The following ERC2 variants were observed in gnomAD, a reference collection of about 807,000 sequenced individuals.
ERC2 encodes ELKS/RAB6-interacting/CAST family member 2.
A neutral mutation model predicts 114.8 loss-of-function variants in ERC2; 42 were observed. The observed-to-expected ratio is 0.37, with a 90% confidence interval of 0.29 to 0.47. The LOEUF (loss-of-function observed/expected upper bound fraction) is 0.47, where lower values mean the gene tolerates loss of function less well. ERC2 is among the 20% of genes least tolerant of loss of function. ERC2 has a pLI of 0.99. For synonymous variants in ERC2, 454 were observed against 425.5 expected, an observed-to-expected ratio of 1.07 and a Z score of -0.82; for missense variants, 939 against 1,150.7, an observed-to-expected ratio of 0.82 and a Z score of 2.66.
chr3:56,176,849 C>G (rs2083006748), intron 3 of ERC2, among the ~76,000 whole-genome samples: 1 of 152,206 alleles, frequency 6.6e-6, no homozygotes, highest in Admixed American at 6.5e-5. Flanking sequence ...GCCCCACAAC[C>G]ACTACCTAGG....
intron 17 of ERC2, among the ~76,000 whole-genome samples, chr3:55,641,977 G>A (rs1470125002): frequency 6.6e-6 from 1 of 152,118 alleles, no homozygotes; most frequent in Non-Finnish European, 1.5e-5. Context: ...AATTCTATTG[G>A]CCAGAAATCA....
At chr3:55,622,377 A>G (rs1336326179) in intron 17 of ERC2, among the ~76,000 whole-genome samples, 1 of 152,198 alleles carries the variant, frequency 6.6e-6, no homozygotes, top group Non-Finnish European at 1.5e-5. Flanking sequence ...TTAAAATGTA[A>G]TGGTCTTTTA....
intron 14 of ERC2, among the ~76,000 whole-genome samples, chr3:55,847,873 A>G (rs1257221944): frequency 6.6e-6 from 1 of 152,114 alleles, no homozygotes; most frequent in African/African-American, 2.4e-5. Flanking sequence ...ATCACAGCTC[A>G]CTGCAGCCTT....
At chr3:56,081,544 C>T (rs1189629747) in intron 6 of ERC2, among the ~76,000 whole-genome samples, 1 of 151,490 alleles carries the variant, frequency 6.6e-6, no homozygotes, top group Non-Finnish European at 1.5e-5. Context: ...CATGAGACTG[C>T]TTTCCAAATA....
At chr3:55,553,779 C>CA (rs796106117) in intron 17 of ERC2, among the ~76,000 whole-genome samples, 96 of 145,218 alleles carry the variant, frequency 6.6e-4, no homozygotes, top group East Asian at 1.4e-3. Flanking sequence ...GACTCCGTCT[C>CA]AAAAAAAAAA....
At chr3:56,138,383 G>A (rs779450565) in intron 6 of ERC2, among the ~76,000 whole-genome samples, 2 of 152,266 alleles carry the variant, frequency 1.3e-5, no homozygotes, top group Non-Finnish European at 2.9e-5. Flanking sequence ...TTTTAAATGT[G>A]AAATATCTAC....
chr3:55,585,948 G>A (rs1169983527), intron 17 of ERC2, among the ~76,000 whole-genome samples: 1 of 152,202 alleles, frequency 6.6e-6, no homozygotes, highest in Non-Finnish European at 1.5e-5. Flanking sequence ...CTGAAATAAA[G>A]TAAAGAAAAT....
At chr3:55,910,330 T>C (rs1027016240) in intron 13 of ERC2, among the ~76,000 whole-genome samples, 1 of 150,588 alleles carries the variant, frequency 6.6e-6, no homozygotes. Flanking sequence ...AGGTGGAGGT[T>C]GTAGTGAGCC....
At chr3:55,872,123 T>A (rs542124578) in intron 14 of ERC2, among the ~76,000 whole-genome samples, 1 of 152,268 alleles carries the variant, frequency 6.6e-6, no homozygotes, top group South Asian at 2.1e-4. Context: ...TTTACTTTAG[T>A]ATATAATTGA....
intron 3 of ERC2, among the ~76,000 whole-genome samples, chr3:56,211,624 AAAG>A (rs2150123582): frequency 6.6e-6 from 1 of 152,308 alleles, no homozygotes; most frequent in South Asian, 2.1e-4. Context: ...TGGAACCAAA[AAAG>A]AACCCACATA....
intron 7 of ERC2, among the ~76,000 whole-genome samples, chr3:56,074,053 T>C (rs926330237): frequency 6.6e-5 from 10 of 152,176 alleles, no homozygotes; most frequent in Admixed American, 5.2e-4. Flanking sequence ...GCTGGTTTTG[T>C]CCTAAAAAGA....
Position 55,836,384 on chromosome 3 carries a change from T to C in ERC2, c.2564+52005A>G, listed in dbSNP as rs1418057286. ...CAAGGCTACAGTAACCAAAACAGCA[T>C]GGTACTGGTACCAAAACAGAGATAT... On this transcript the variant is annotated intron_variant, in intron 14 of 17. Transcript: ENST00000288221. Among the ~76,000 whole-genome samples the C allele has an allele frequency of 2.0e-5, 3 of 152,262 alleles. No individual in the cohort carries two copies. In the South Asian group the frequency reaches 6.2e-4, roughly 32 times the overall value.
At chr3:56,162,104 ATTT>A (rs1404936143) in intron 4 of ERC2, among the ~76,000 whole-genome samples, 3 of 152,226 alleles carry the variant, frequency 2.0e-5, no homozygotes, top group Admixed American at 2.0e-4. Flanking sequence ...GGGATGTTGG[ATTT>A]TATCAAAAGC....
At chr3:55,600,044 C>T (rs1343731233) in intron 17 of ERC2, among the ~76,000 whole-genome samples, 1 of 152,094 alleles carries the variant, frequency 6.6e-6, no homozygotes, top group Non-Finnish European at 1.5e-5. Context: ...GGAATCAAAG[C>T]CAGCATTAGA....
At chr3:55,790,798 CAT>C (rs2069944916) in intron 14 of ERC2, among the ~76,000 whole-genome samples, 1 of 152,204 alleles carries the variant, frequency 6.6e-6, no homozygotes, top group South Asian at 2.1e-4. Context: ...ATGTCTGGCA[CAT>C]AGTACATAAA....
At chr3:56,377,007 C>A (rs572787484) in intron 2 of ERC2, among the ~76,000 whole-genome samples, 1 of 152,232 alleles carries the variant, frequency 6.6e-6, no homozygotes, top group African/African-American at 2.4e-5. Flanking sequence ...TCAGTGCTCC[C>A]ACAGTATCCT....
intron 14 of ERC2, among the ~76,000 whole-genome samples, chr3:55,778,663 C>T (rs547945015): frequency 1.3e-5 from 2 of 152,126 alleles, no homozygotes; most frequent in African/African-American, 4.8e-5. Flanking sequence ...CAATATGACA[C>T]ATTAATAAGA....
chr3:55,871,957 T>G (rs899501154), intron 14 of ERC2, among the ~76,000 whole-genome samples: 15 of 152,184 alleles, frequency 9.9e-5, no homozygotes, highest in Admixed American at 9.8e-4. Context: ...AAAAATAATG[T>G]TTATACTGAA....
chr3:56,354,104 T>C (rs1466321482), intron 2 of ERC2, among the ~76,000 whole-genome samples: 2 of 152,150 alleles, frequency 1.3e-5, no homozygotes, highest in Non-Finnish European at 2.9e-5. Flanking sequence ...ATTTTTACGA[T>C]CTTCTGAATG....
Sources: gnomAD v4.1 joint callset for allele counts (sites outside exome capture counted in the v4.1 genomes callset) on GRCh38, gnomAD v4.1.1 for gene constraint, MANE v1.5 for transcripts, NCBI Gene and HGNC (gene_info 2026-07-23, HGNC 2026-07-21) for gene names.